Variants in SLC25A30 observed in about 807,000 individuals in gnomAD.
SLC25A30 encodes solute carrier family 25 member 30.
A neutral mutation model predicts 42.7 loss-of-function variants in SLC25A30; 29 were observed. The observed-to-expected ratio is 0.68, with a 90% CI of 0.51 to 0.93. The LOEUF (loss-of-function observed/expected upper bound fraction) is 0.93, where lower values mean the gene tolerates loss of function less well. SLC25A30 is among the 40% of genes least tolerant of loss of function. The pLI is 0.00. For synonymous variants in SLC25A30, 124 were observed against 131.0 expected (o/e 0.95, Z 0.37); for missense variants, 300 against 359.7 (o/e 0.83, Z 1.34).
chr13:45,396,197 G>A (rs1881302860), intron 9 of SLC25A30, 182 bp from the exon 10 acceptor site: 2 of 1,461,678 alleles, frequency 1.4e-6, no homozygotes, highest in East Asian at 2.5e-5. Context: ...AGGTCAGCTT[G>A]GAGCAGAAAG....
At chr13:45,427,893 G>A in the SLC25A30 span, among the ~76,000 whole-genome samples, 1,959 of 151,944 alleles carry the variant, frequency 0.013, 48 homozygotes, top group African/African-American at 0.044. Flanking sequence ...ACAGGCATGC[G>A]TCACCACTCC....
At chr13:45,398,120 C>T in intron 8 of SLC25A30, 2 of 902,568 alleles carry the variant, frequency 2.2e-6, no homozygotes, top group South Asian at 1.0e-4. Context: ...CAAAAGTGGC[C>T]CCTGTAGCCA....
Position 45,404,111 on chromosome 13 carries a change from G to A in SLC25A30, c.393+216C>T, listed in dbSNP as rs116759153. Among the ~76,000 whole-genome samples, 587 of 152,164 alleles carry A rather than the reference G, an allele frequency of 3.9e-3. 4 individuals are homozygous for A. The highest frequency in any genetic ancestry group is 0.014 in the African/African-American group (570 of 41,520). Reference sequence around the variant, plus strand: ...AAATAATTTTTTCTCCTCAATCACCGAAATCTTTGTCTCCAAAATGAGCTC... The same window carrying A: ...AAATAATTTTTTCTCCTCAATCACCAAAATCTTTGTCTCCAAAATGAGCTC... On this transcript the variant is annotated intron_variant, in intron 5 of 9. Coordinates refer to ENST00000519676, the MANE Select transcript of SLC25A30 (RefSeq NM_001010875.4).
the SLC25A30 span, among the ~76,000 whole-genome samples, chr13:45,423,815 AATATAAATATATATTTATAT>A: frequency 1.8e-5 from 1 of 55,736 alleles, no homozygotes; most frequent in Non-Finnish European, 3.2e-5. Context: ...TATATATAAA[AATATAAATATATATTTATAT>A]ATATAAATAT....
the SLC25A30 span, among the ~76,000 whole-genome samples, chr13:45,429,304 G>A: frequency 2.6e-5 from 4 of 151,396 alleles, no homozygotes; most frequent in African/African-American, 7.3e-5. Flanking sequence ...CCTGACCTCA[G>A]GTTATCTGCC....
At chr13:45,409,975 G>T (rs986513478) in intron 2 of SLC25A30, among the ~76,000 whole-genome samples, 3 of 152,180 alleles carry the variant, frequency 2.0e-5, no homozygotes, top group African/African-American at 7.2e-5. Flanking sequence ...TGAGTGGGTG[G>T]TTACCACGGC....
At chr13:45,400,031 TATACACAC>T (rs998302873) in intron 7 of SLC25A30, among the ~76,000 whole-genome samples, 4 of 116,970 alleles carry the variant, frequency 3.4e-5, no homozygotes, top group Admixed American at 9.4e-5. Flanking sequence ...TATATATATA[TATACACAC>T]ACACACACAC....
At chr13:45,425,605 T>TAC in the SLC25A30 span, among the ~76,000 whole-genome samples, 7 of 50,384 alleles carry the variant, frequency 1.4e-4, no homozygotes, top group Admixed American at 4.2e-4. Context: ...TACATATATA[T>TAC]ATACATATAT....
the SLC25A30 span, among the ~76,000 whole-genome samples, chr13:45,429,959 A>T: frequency 3.9e-4 from 59 of 152,110 alleles, no homozygotes; most frequent in African/African-American, 1.4e-3. Context: ...AATGAAACTG[A>T]TACATCACCT....
At chr13:45,429,743 G>A in the SLC25A30 span, among the ~76,000 whole-genome samples, 3 of 151,960 alleles carry the variant, frequency 2.0e-5, no homozygotes, top group Non-Finnish European at 4.4e-5. Flanking sequence ...GCTGAGGCAG[G>A]AAGATCACTT....
rs1881217771 is a variant in SLC25A30 at position 45,395,204 on chromosome 13, G to A, written c.*770C>T. 2.0e-6 allele frequency: 2 copies of A among 983,998 alleles called. No individual in the cohort carries two copies. The highest frequency in any genetic ancestry group is 6.1e-5 in the Admixed American group (1 of 16,272). 61.0% of individuals were successfully genotyped at this position (983,998 alleles called of 1,614,324 possible). ...ACTCATTGAGAAATACATATGCTTTGCTAAAAATCATAAAGCTAATTACTA... is the reference window on the plus strand; with the variant it reads ...ACTCATTGAGAAATACATATGCTTTACTAAAAATCATAAAGCTAATTACTA... On this transcript the variant is annotated 3_prime_UTR_variant, in exon 10 of 10. Transcript: ENST00000519676.
At chr13:45,420,677 C>G (rs1325608645), upstream of SLC25A30, among the ~76,000 whole-genome samples, 1 of 152,036 alleles carries the variant, frequency 6.6e-6, no homozygotes, top group Non-Finnish European at 1.5e-5. Context: ...TATGAAGATC[C>G]CTTTGTGGGT....
At chr13:45,419,149 A>AAG (rs1555288863), upstream of SLC25A30, among the ~76,000 whole-genome samples, 11,030 of 142,930 alleles carry the variant, frequency 0.077, 530 homozygotes, top group Middle Eastern at 0.11. Flanking sequence ...AAAAAAAAAA[A>AAG]AAGAAAGAAA....
At chr13:45,411,542 A>C in intron 1 of SLC25A30, 62 bp from the exon 2 acceptor site, 1 of 1,037,100 alleles carries the variant, frequency 9.6e-7, no homozygotes, top group Non-Finnish European at 1.5e-6. Context: ...TTCTTCTCCA[A>C]ACTCTTCCCC....
the SLC25A30 span, among the ~76,000 whole-genome samples, chr13:45,426,702 G>A: frequency 2.6e-5 from 4 of 152,148 alleles, no homozygotes; most frequent in African/African-American, 9.6e-5. Context: ...CAGCCTTAGC[G>A]GACACTCTTG....
intron 3 of SLC25A30, among the ~76,000 whole-genome samples, chr13:45,406,324 G>A (rs956825671): frequency 1.3e-5 from 2 of 151,962 alleles, no homozygotes; most frequent in African/African-American, 2.4e-5. Flanking sequence ...CTCAGGCCTC[G>A]GCCTCCCAAA....
chr13:45,417,159 C>A lies in SLC25A30; in HGVS notation c.-56+1141G>T, dbSNP rs760062783. On this transcript the variant is annotated intron_variant, in intron 1 of 9. Transcript: ENST00000519676. Reference sequence around the variant, plus strand: ...CTCCCGAGTAGCTAGAATTAGACATCCGTCACCACGCCCGGCTAATTTTGT... The same window carrying A: ...CTCCCGAGTAGCTAGAATTAGACATACGTCACCACGCCCGGCTAATTTTGT... Among the ~76,000 whole-genome samples, 9 of 152,138 alleles carry A rather than the reference C, an allele frequency of 5.9e-5. 1 individual carries two copies. Among genetic ancestry groups the A allele is most frequent in the African/African-American group, 9.7e-5 (4 of 41,446 alleles).
rs1881138568 is a variant in SLC25A30, at chr13:45,394,056, T to C, written c.*1918A>G. 1 of 985,202 alleles carries C rather than the reference T, an allele frequency of 1.0e-6. No homozygotes were observed. Among genetic ancestry groups the C allele is most frequent in the African/African-American group, 1.7e-5 (1 of 57,202 alleles). 61.0% of individuals were successfully genotyped at this position (985,202 alleles called of 1,614,324 possible). Reference sequence around the variant, plus strand: ...CAAAGAACTCAAAAGTGAAAGCCTCTCTATAGAAAGTCTTTATAAAATCAA... The same window carrying C: ...CAAAGAACTCAAAAGTGAAAGCCTCCCTATAGAAAGTCTTTATAAAATCAA... On this transcript the variant is annotated 3_prime_UTR_variant, in exon 10 of 10. Coordinates refer to ENST00000519676, the MANE Select transcript of SLC25A30 (RefSeq NM_001010875.4).
At chr13:45,410,803 C>T (rs1198841682) in intron 2 of SLC25A30, among the ~76,000 whole-genome samples, 1 of 152,178 alleles carries the variant, frequency 6.6e-6, no homozygotes, top group South Asian at 2.1e-4. Context: ...CAGAACCAGA[C>T]CCTGTCTCAA....
Sources: allele counts gnomAD v4.1 joint callset (sites outside exome capture counted in the v4.1 genomes callset), GRCh38; gene constraint gnomAD v4.1.1; transcripts MANE v1.5; gene names NCBI Gene and HGNC (gene_info 2026-07-23, HGNC 2026-07-21).